The following SNTG2 variants were observed in gnomAD, a reference collection of about 807,000 sequenced individuals.
SNTG2 encodes the protein gamma-2-syntrophin.
SNTG2 carries 74 observed loss-of-function variants against 70.9 expected under a neutral mutation model. The ratio of observed to expected loss-of-function variants is 1.04; its 90% confidence interval spans 0.86 to 1.27. The LOEUF is 1.27. Among genes scored for constraint, SNTG2 ranks in the 50% most tolerant of loss-of-function variants. SNTG2 has a pLI of 0.00. For synonymous variants in SNTG2, 278 were observed against 273.8 expected, an observed-to-expected ratio of 1.02 and a Z score of -0.15; for missense variants, 717 against 690.7, an observed-to-expected ratio of 1.04 and a Z score of -0.43.
intron 12 of SNTG2, among the ~76,000 whole-genome samples, chr2:1,250,371 C>T (rs1045685280): frequency 1.3e-5 from 2 of 152,208 alleles, no homozygotes; most frequent in Non-Finnish European, 2.9e-5. Flanking sequence ...ATCTCTCTCC[C>T]TGTCTCTCTG....
intron 4 of SNTG2, among the ~76,000 whole-genome samples, chr2:1,099,187 C>A (rs1012601531): frequency 6.6e-6 from 1 of 152,174 alleles, no homozygotes. Flanking sequence ...GGCCACTCCT[C>A]CCCTGCTCTC....
intron 4 of SNTG2, among the ~76,000 whole-genome samples, chr2:1,099,669 TGGTG>T (rs1665651220): frequency 2.2e-4 from 6 of 26,786 alleles, no homozygotes; most frequent in African/African-American, 4.1e-4. Flanking sequence ...AAGGTGGGTG[TGGTG>T]AGGGCAGTTG....
At chr2:1,359,755 G>A (rs1200489675) in intron 16 of SNTG2, among the ~76,000 whole-genome samples, 1 of 152,074 alleles carries the variant, frequency 6.6e-6, no homozygotes, top group Non-Finnish European at 1.5e-5. Flanking sequence ...CTTAAATTGC[G>A]AATTTCTATT....
intron 4 of SNTG2, among the ~76,000 whole-genome samples, chr2:1,117,021 T>C (rs190868600): frequency 4.7e-5 from 5 of 106,856 alleles, no homozygotes; most frequent in African/African-American, 1.6e-4. Context: ...GTGTGGGTGC[T>C]CTGGTGTGTG....
intron 11 of SNTG2, among the ~76,000 whole-genome samples, chr2:1,243,217 A>G (rs1196240870): frequency 6.6e-6 from 1 of 152,108 alleles, no homozygotes; most frequent in Non-Finnish European, 1.5e-5. Context: ...TTAATACATA[A>G]CTCTCCTTGA....
At chr2:954,423 T>G (rs1303156485) in intron 1 of SNTG2, among the ~76,000 whole-genome samples, 2 of 152,218 alleles carry the variant, frequency 1.3e-5, no homozygotes, top group African/African-American at 4.8e-5. Flanking sequence ...GTGGAAAACA[T>G]GCTTTTGGAG....
At chr2:1,318,676 T>C (rs928527806) in intron 16 of SNTG2, among the ~76,000 whole-genome samples, 19 of 152,212 alleles carry the variant, frequency 1.2e-4, no homozygotes, top group Non-Finnish European at 2.4e-4. Context: ...AGTTTCCATC[T>C]GGTATTTCAC....
chr2:956,412 C>T (rs1459252128), intron 1 of SNTG2, among the ~76,000 whole-genome samples: 1 of 152,246 alleles, frequency 6.6e-6, no homozygotes, highest in Non-Finnish European at 1.5e-5. Context: ...CCCGTGGCTG[C>T]ATCCTTCCTC....
At chr2:1,151,568 C>T (rs1669498924) in intron 6 of SNTG2, among the ~76,000 whole-genome samples, 1 of 152,200 alleles carries the variant, frequency 6.6e-6, no homozygotes, top group Admixed American at 6.5e-5. Context: ...GCGCCCCTTG[C>T]TTGTGACCTC....
chr2:993,347 A>G (rs771534827), intron 1 of SNTG2, among the ~76,000 whole-genome samples: 3 of 150,460 alleles, frequency 2.0e-5, no homozygotes, highest in Non-Finnish European at 3.0e-5. Flanking sequence ...ATAGTATTAG[A>G]CCGTTTTCTT....
intron 12 of SNTG2, among the ~76,000 whole-genome samples, chr2:1,254,484 G>A (rs765410558): frequency 3.3e-5 from 5 of 152,016 alleles, no homozygotes; most frequent in African/African-American, 4.8e-5. Context: ...TATCAATGAT[G>A]TAGCAACTGC....
chr2:1,212,258 C>T (rs1282495205), intron 9 of SNTG2, among the ~76,000 whole-genome samples: 1 of 152,112 alleles, frequency 6.6e-6, no homozygotes, highest in Non-Finnish European at 1.5e-5. Context: ...CTGTGTGGCA[C>T]CTCCCCACTC....
At position 993,501 on chromosome 2, in the gene SNTG2, T is replaced by A. The variant is rs1661572570; in HGVS notation, c.72+42433T>A. ...ATTTTGAATGGACCTGGTTTTCAAT[T>A]CTCTTAAGTGTAAAACTATGAGTGG... On this transcript the variant is annotated intron_variant, in intron 1 of 16. Coordinates refer to ENST00000308624, the MANE Select transcript of SNTG2 (RefSeq NM_018968.4). Among the ~76,000 whole-genome samples the A allele has an allele frequency of 2.0e-5, 3 of 152,230 alleles. No individual in the cohort carries two copies. In the South Asian group the frequency reaches 6.2e-4, roughly 32 times the overall value.
intron 1 of SNTG2, among the ~76,000 whole-genome samples, chr2:985,290 G>T (rs1317912792): frequency 6.6e-6 from 1 of 151,770 alleles, no homozygotes; most frequent in South Asian, 2.1e-4. Context: ...AAGACAAGTT[G>T]ATTTTTTTTT....
intron 14 of SNTG2, among the ~76,000 whole-genome samples, chr2:1,300,783 A>C (rs1200707483): frequency 6.6e-6 from 1 of 152,180 alleles, no homozygotes; most frequent in Non-Finnish European, 1.5e-5. Flanking sequence ...TTTGAAAATG[A>C]ACTTGAGTGT....
intron 4 of SNTG2, among the ~76,000 whole-genome samples, chr2:1,104,970 G>A (rs942142346): frequency 1.3e-5 from 2 of 152,152 alleles, no homozygotes; most frequent in Non-Finnish European, 2.9e-5. Flanking sequence ...AAGAAGCACC[G>A]TGGTTCCATC....
intron 1 of SNTG2, among the ~76,000 whole-genome samples, chr2:1,019,348 G>A (rs187501212): frequency 5.9e-5 from 9 of 152,300 alleles, no homozygotes; most frequent in Non-Finnish European, 8.8e-5. Flanking sequence ...CCAAACTGGC[G>A]TTTCCTGATT....
intron 4 of SNTG2, among the ~76,000 whole-genome samples, chr2:1,134,997 G>A (rs1487239608): frequency 6.6e-6 from 1 of 152,258 alleles, no homozygotes; most frequent in Admixed American, 6.5e-5. Flanking sequence ...CAGACGCTGG[G>A]CTGCAATTCA....
intron 1 of SNTG2, among the ~76,000 whole-genome samples, chr2:1,032,624 C>T (rs1011987187): frequency 5.3e-5 from 8 of 152,188 alleles, no homozygotes; most frequent in African/African-American, 1.9e-4. Flanking sequence ...GGCCAGTTTC[C>T]TCATGTTTCT....
Sources: allele counts gnomAD v4.1 joint callset (sites outside exome capture counted in the v4.1 genomes callset), GRCh38; gene constraint gnomAD v4.1.1; transcripts MANE v1.5; gene names NCBI Gene and HGNC (gene_info 2026-07-23, HGNC 2026-07-21).